The following CCDC82 variants were observed in gnomAD, a reference collection of about 807,000 sequenced individuals.
CCDC82 encodes coiled-coil domain containing 82, also known as coiled-coil domain-containing protein 82.
In CCDC82, 47 loss-of-function variants were observed where a neutral mutation model predicts 60.6. The observed-to-expected ratio is 0.77, with a 90% confidence interval of 0.61 to 0.99. The LOEUF is 0.99. Among genes scored for constraint, CCDC82 ranks in the 50% least tolerant of loss-of-function variants. The pLI is 0.00. For synonymous variants in CCDC82, 212 were observed against 207.4 expected, an observed-to-expected ratio of 1.02 and a Z score of -0.19; for missense variants, 588 against 633.0, an observed-to-expected ratio of 0.93 and a Z score of 0.76.
intron 5 of CCDC82, among the ~76,000 whole-genome samples, chr11:96,375,787 T>C (rs1258695585): frequency 1.3e-5 from 2 of 152,198 alleles, no homozygotes; most frequent in African/African-American, 4.8e-5. Context: ...CAACACAAAA[T>C]TTAGACTTGG....
At chr11:96,366,946 A>C (rs1261306273) in intron 7 of CCDC82, among the ~76,000 whole-genome samples, 1 of 152,256 alleles carries the variant, frequency 6.6e-6, no homozygotes, top group East Asian at 1.9e-4. Context: ...AGTTATGTTT[A>C]CACTGTACTG....
In CCDC82 at chr11:96,353,087, C is replaced by T. The variant is rs543261341; in HGVS notation, c.*559G>A. On this transcript the variant is annotated 3_prime_UTR_variant, in exon 10 of 10. Transcript: ENST00000646818. The stretch of plus-strand genomic sequence containing the variant: ...GCCTGAAATCTATTTGAAAGAGAAA[C>T]TTTCAAGAAAAGGAAAAAAGCATTC... 4 of 152,052 alleles carry T rather than the reference C, an allele frequency of 2.6e-5. No homozygotes were observed. The highest frequency in any genetic ancestry group is 9.7e-5 in the African/African-American group (4 of 41,398). 9.4% of individuals were successfully genotyped at this position (152,052 alleles called of 1,614,324 possible).
At chr11:96,359,240 T>A in intron 8 of CCDC82, 62 bp from the exon 9 acceptor site, 1 of 1,332,890 alleles carries the variant, frequency 7.5e-7, no homozygotes, top group Non-Finnish European at 1.0e-6. Flanking sequence ...GGTTTTTGGA[T>A]TTTCTTTAGT....
chr11:96,364,089 G>A (rs2136098752), intron 8 of CCDC82: 1 of 152,196 alleles, frequency 6.6e-6, no homozygotes, highest in Non-Finnish European at 1.5e-5. Flanking sequence ...CAAAGACCAT[G>A]AAGGTACAGC....
At chr11:96,362,993 C>G (rs973613843) in intron 8 of CCDC82, 9 of 150,222 alleles carry the variant, frequency 6.0e-5, no homozygotes, top group Admixed American at 4.7e-4. Flanking sequence ...GAGATGGAGT[C>G]TCGCTGTCGC....
chr11:96,386,579 T>C (rs1866210501), intron 2 of CCDC82: 8 of 152,168 alleles, frequency 5.3e-5, no homozygotes, highest in Admixed American at 5.2e-4. Context: ...GATTTTTAAA[T>C]TTTTTGTAGA....
intron 7 of CCDC82, among the ~76,000 whole-genome samples, chr11:96,369,597 C>T (rs1048964799): frequency 1.3e-5 from 2 of 152,128 alleles, no homozygotes; most frequent in African/African-American, 2.4e-5. Flanking sequence ...ATTATATGGG[C>T]ATGGTTTCTG....
intron 7 of CCDC82, among the ~76,000 whole-genome samples, chr11:96,368,038 C>A (rs1313228067): frequency 6.6e-6 from 1 of 152,058 alleles, no homozygotes; most frequent in African/African-American, 2.4e-5. Flanking sequence ...CCAGTCTGGT[C>A]TCAAACTCCT....
intron 7 of CCDC82, 97 bp downstream of exon 7, chr11:96,370,916 G>T: frequency 1.9e-6 from 2 of 1,053,730 alleles, no homozygotes; most frequent in Non-Finnish European, 2.6e-6. Context: ...ACAAAGACAT[G>T]CCAATATTTT....
At chr11:96,380,992 C>CA (rs943122899) in intron 5 of CCDC82, 5 of 151,522 alleles carry the variant, frequency 3.3e-5, no homozygotes, top group African/African-American at 1.2e-4. Context: ...ATAACTGTAA[C>CA]AGAGGTACCA....
intron 9 of CCDC82, chr11:96,358,660 C>T (rs1015411479): frequency 2.5e-6 from 3 of 1,223,228 alleles, no homozygotes; most frequent in Non-Finnish European, 2.0e-6. Context: ...GAGTCCTATA[C>T]TCTGTCAAAA....
chr11:96,389,903 G>T lies in CCDC82; in HGVS notation c.-198C>A, dbSNP rs923056422. 6.5e-6 allele frequency: 1 copy of T among 152,922 alleles called. No individual in the cohort carries two copies. The highest frequency in any genetic ancestry group is 1.5e-5 in the Non-Finnish European group (1 of 68,676). The allele number at this position is 152,922 out of a possible 1,614,324, so 9.5% of individuals were successfully genotyped here. A position where few individuals can be genotyped will look rare whatever the true frequency, so the allele number is the denominator to read the frequency against. On this transcript the variant is annotated 5_prime_UTR_variant, in exon 1 of 10. Coordinates refer to ENST00000646818, the MANE Select transcript of CCDC82 (RefSeq NM_024725.4). ...GCCCCTGCCCCGGCAACCAGCTCAG[G>T]ACAAGCGATGCTCCTCCCCCCCTTC...
Position 96,374,482 on chromosome 11 carries a change from T to C in CCDC82, c.992-1015A>G, listed in dbSNP as rs1591196753. On this transcript the variant is annotated intron_variant, in intron 5 of 9. Transcript: ENST00000646818. Reference sequence around the variant, plus strand: ...TCTAAGGAGACACCTATAGAAGTGCTAAAGAGACAAAAATAAAGTAATACT... The same window carrying C: ...TCTAAGGAGACACCTATAGAAGTGCCAAAGAGACAAAAATAAAGTAATACT... 2.6e-5 allele frequency among the ~76,000 whole-genome samples: 4 copies of C among 152,220 alleles called. No homozygotes were observed. In the South Asian group the frequency reaches 8.3e-4, roughly 32 times the overall value.
intron 9 of CCDC82, chr11:96,357,435 G>C (rs1198183670): frequency 1.0e-6 from 1 of 985,188 alleles, no homozygotes; most frequent in African/African-American, 1.7e-5. Flanking sequence ...TTCTTGAAAA[G>C]AAAGCCTAAG....
intron 3 of CCDC82, chr11:96,385,145 G>C (rs76618173): frequency 0.04 from 6,390 of 158,456 alleles, 141 homozygotes; most frequent in Middle Eastern, 0.062. Flanking sequence ...GAAGTGGAAA[G>C]ATGCAGGGAG....
At position 96,384,469 on chromosome 11, in the gene CCDC82, T is replaced by G; in HGVS notation, c.279A>C (p.Glu93Asp). The G allele has an allele frequency of 6.2e-7, 1 of 1,613,864 alleles. No individual in the cohort carries two copies. The highest frequency in any genetic ancestry group is 8.5e-7 in the Non-Finnish European group (1 of 1,179,828). ...RELNLSKIQS[E>D]GNDSKCLINS... ...TAATGAGACACTTACTGTCATTTCCTTCACTTTGAATTTTACTTAAGTTGA... is the reference window on the plus strand; with the variant it reads ...TAATGAGACACTTACTGTCATTTCCGTCACTTTGAATTTTACTTAAGTTGA... The change falls in exon 4 of 10, where the codon GAA becomes GAC. Residue 93 changes from glutamate to aspartate, a missense_variant. By Grantham distance (45) the Glu-to-Asp change is conservative. Coordinates refer to ENST00000646818, the MANE Select transcript of CCDC82 (RefSeq NM_024725.4).
At chr11:96,366,972 G>C (rs79580235) in intron 7 of CCDC82, among the ~76,000 whole-genome samples, 7 of 152,126 alleles carry the variant, frequency 4.6e-5, no homozygotes, top group African/African-American at 1.7e-4. Context: ...TATTAAGCAT[G>C]CAACAGAATT....
chr11:96,363,846 A>G (rs1021263926), intron 8 of CCDC82: 1 of 152,142 alleles, frequency 6.6e-6, no homozygotes, highest in African/African-American at 2.4e-5. Flanking sequence ...TTAATTATAT[A>G]CCCTTACATG....
intron 8 of CCDC82, 109 bp from the exon 9 acceptor site, chr11:96,359,287 A>T (rs1565300463): frequency 3.6e-6 from 3 of 837,700 alleles, no homozygotes; most frequent in Non-Finnish European, 5.3e-6. Context: ...TCCAGTGTTT[A>T]CACAATGATT....
Sources: allele counts gnomAD v4.1 joint callset (sites outside exome capture counted in the v4.1 genomes callset), GRCh38; gene constraint gnomAD v4.1.1; transcripts MANE v1.5; gene names NCBI Gene and HGNC (gene_info 2026-07-23, HGNC 2026-07-21).